Variants in PIK3C2G observed in about 807,000 individuals in gnomAD.
PIK3C2G encodes phosphatidylinositol 3-kinase C2 domain-containing subunit gamma.
PIK3C2G carries 168 observed loss-of-function variants against 181.1 expected under a neutral mutation model. The ratio of observed to expected loss-of-function variants is 0.93; its 90% confidence interval spans 0.82 to 1.05. PIK3C2G has a LOEUF of 1.05. PIK3C2G is among the 50% of genes least tolerant of loss of function. The pLI is 0.00. For missense variants in PIK3C2G, 1,869 were observed against 1,732.8 expected (o/e 1.08, Z -1.40); for synonymous variants, 573 against 592.2 (o/e 0.97, Z 0.47).
At chr12:18,397,595 T>C (rs1012228223) in intron 15 of PIK3C2G, among the ~76,000 whole-genome samples, 1 of 152,080 alleles carries the variant, frequency 6.6e-6, no homozygotes, top group Non-Finnish European at 1.5e-5. Context: ...CCCATTGGAA[T>C]GGATAACATT....
chr12:18,726,796 A>C, the PIK3C2G span, among the ~76,000 whole-genome samples: 3 of 152,186 alleles, frequency 2.0e-5, no homozygotes, highest in Admixed American at 2.0e-4. Context: ...ACTAAAAATA[A>C]AGCCTAAGTA....
In PIK3C2G at chr12:18,314,065, G is replaced by A. The variant is rs747404244; in HGVS notation, c.1137+1G>A. 3 of 1,494,424 alleles carry A rather than the reference G, an allele frequency of 2.0e-6. No homozygotes were observed. Among genetic ancestry groups the A allele is most frequent in the Non-Finnish European group, 2.8e-6 (3 of 1,087,386 alleles). The allele number at this position is 1,494,424 out of a possible 1,614,324, so 92.6% of individuals were successfully genotyped here. A position where few individuals can be genotyped will look rare whatever the true frequency, so the allele number is the denominator to read the frequency against. On this transcript the variant is annotated splice_donor_variant, in intron 6 of 32. Transcript: ENST00000538779. LOFTEE classifies it high-confidence loss of function. ...AGCTCCAGGAAAGCTATCTCGAAAGGTAAGACTTTCTTAGCATTGGTTTCA... is the reference window on the plus strand; with the variant it reads ...AGCTCCAGGAAAGCTATCTCGAAAGATAAGACTTTCTTAGCATTGGTTTCA...
At chr12:18,710,728 A>G in the PIK3C2G span, among the ~76,000 whole-genome samples, 1 of 152,054 alleles carries the variant, frequency 6.6e-6, no homozygotes, top group Non-Finnish European at 1.5e-5. Flanking sequence ...ACATTTTAAA[A>G]GTAAAGCCAC....
intron 18 of PIK3C2G, among the ~76,000 whole-genome samples, chr12:18,440,773 A>G (rs1478016759): frequency 1.3e-5 from 2 of 152,132 alleles, no homozygotes; most frequent in Non-Finnish European, 2.9e-5. Context: ...TTAGAATATT[A>G]GCTTTAATCC....
the PIK3C2G span, among the ~76,000 whole-genome samples, chr12:18,716,275 T>C: frequency 6.6e-6 from 1 of 152,140 alleles, no homozygotes; most frequent in East Asian, 1.9e-4. Context: ...AAGAACTATA[T>C]TGTGAAAGAA....
chr12:18,600,737 A>G (rs1264791942), intron 30 of PIK3C2G, among the ~76,000 whole-genome samples: 1 of 152,088 alleles, frequency 6.6e-6, no homozygotes, highest in African/African-American at 2.4e-5. Context: ...AAAAAAATTT[A>G]CTTGGCCCAG....
chr12:18,417,484 T>C (rs772581981), intron 16 of PIK3C2G, among the ~76,000 whole-genome samples: 3 of 152,158 alleles, frequency 2.0e-5, no homozygotes, highest in Non-Finnish European at 2.9e-5. Flanking sequence ...TCAAGCTTCA[T>C]TGTTGCCTTT....
downstream of PIK3C2G, among the ~76,000 whole-genome samples, chr12:18,652,259 A>G (rs1239955373): frequency 6.6e-6 from 1 of 152,162 alleles, no homozygotes; most frequent in African/African-American, 2.4e-5. Context: ...TATACCAGTC[A>G]CATATAAGTA....
intron 16 of PIK3C2G, among the ~76,000 whole-genome samples, chr12:18,418,803 T>C (rs1945317315): frequency 6.6e-6 from 1 of 152,136 alleles, no homozygotes; most frequent in South Asian, 2.1e-4. Context: ...CAATGATGTA[T>C]ATAATATAGA....
At chr12:18,720,405 T>C in the PIK3C2G span, among the ~76,000 whole-genome samples, 144,870 of 151,132 alleles carry the variant, frequency 0.96, 69,523 homozygotes, top group East Asian at 1. Flanking sequence ...GGGTCATTTG[T>C]ATCTGATCAT....
chr12:18,292,183 C>T (rs1460853907), intron 4 of PIK3C2G, among the ~76,000 whole-genome samples: 1 of 96,494 alleles, frequency 1.0e-5, no homozygotes, highest in Non-Finnish European at 2.0e-5. Flanking sequence ...GCACTCCAGC[C>T]TGGGCAACAA....
At chr12:18,338,399 G>A in intron 8 of PIK3C2G, 27 bp from the exon 9 acceptor site, 2 of 1,488,306 alleles carry the variant, frequency 1.3e-6, no homozygotes, top group Admixed American at 3.9e-5. Context: ...TCAATAGATT[G>A]TAAGATGTGA....
intron 8 of PIK3C2G, among the ~76,000 whole-genome samples, chr12:18,335,878 T>G (rs1938484356): frequency 6.6e-6 from 1 of 152,112 alleles, no homozygotes; most frequent in Non-Finnish European, 1.5e-5. Flanking sequence ...AAGACTGGAG[T>G]AATAGATTGA....
the PIK3C2G span, among the ~76,000 whole-genome samples, chr12:18,701,084 A>G: frequency 6.6e-6 from 1 of 151,836 alleles, no homozygotes; most frequent in African/African-American, 2.4e-5. Flanking sequence ...TCCCAGGTTC[A>G]AGCAATTCTC....
intron 5 of PIK3C2G, 39 bp from the exon 6 acceptor site, chr12:18,313,923 A>G: frequency 1.0e-6 from 1 of 986,438 alleles, no homozygotes; most frequent in East Asian, 2.5e-5. Context: ...TGGGAATATT[A>G]TGGGAGGATA....
At chr12:18,491,063 T>C (rs915554633) in intron 19 of PIK3C2G, among the ~76,000 whole-genome samples, 26 of 152,214 alleles carry the variant, frequency 1.7e-4, no homozygotes, top group African/African-American at 6.3e-4. Flanking sequence ...AGTCACAAAC[T>C]CAGATTTCAG....
chr12:18,524,444 G>A (rs897101444), intron 24 of PIK3C2G, among the ~76,000 whole-genome samples: 2 of 152,126 alleles, frequency 1.3e-5, no homozygotes, highest in African/African-American at 4.8e-5. Context: ...GGGGTAGTGA[G>A]GCCACAGAAA....
rs949796061 is a variant in PIK3C2G at position 18,263,134 on chromosome 12, C to T, written c.-79+1557C>T. 3.9e-5 allele frequency among the ~76,000 whole-genome samples: 6 copies of T among 152,114 alleles called. No individual in the cohort carries two copies. The South Asian group carries it at 1.2e-3, about 32-fold the overall frequency. ...GATGTGTATCTTTGAATTTCTTATG[C>T]AAAAATATGTATTTTTCTTGGCAAC... is the stretch of plus-strand genomic sequence containing the variant. On this transcript the variant is annotated intron_variant, in intron 1 of 32. Transcript: ENST00000538779.
chr12:18,400,776 A>G (rs1944207445), intron 16 of PIK3C2G, among the ~76,000 whole-genome samples: 1 of 151,978 alleles, frequency 6.6e-6, no homozygotes, highest in Non-Finnish European at 1.5e-5. Context: ...AAATTTACAT[A>G]CTATTTTTGT....
Sources: allele counts gnomAD v4.1 joint callset (sites outside exome capture counted in the v4.1 genomes callset), GRCh38; gene constraint gnomAD v4.1.1; transcripts MANE v1.5; gene names NCBI Gene and HGNC (gene_info 2026-07-23, HGNC 2026-07-21).